MST1R: variants seen among roughly 807,000 people sequenced by gnomAD.
MST1R encodes the protein macrophage stimulating 1 receptor.
In MST1R, 99 loss-of-function variants were observed where a neutral mutation model predicts 117.8. That is an observed-to-expected ratio of 0.84 (90% CI 0.71 to 0.99). MST1R has a LOEUF of 0.99. Ranked by LOEUF, MST1R falls within the 50% of genes least tolerant of loss-of-function variation. The probability of loss-of-function intolerance (pLI) is 0.00; values close to 1 mark genes in which losing one functional copy is unlikely to be tolerated. For missense variants in MST1R, 1,683 were observed against 1,840.2 expected (o/e 0.91, Z 1.56); for synonymous variants, 734 against 765.3 (o/e 0.96, Z 0.68).
intron 1 of MST1R, among the ~76,000 whole-genome samples, chr3:49,900,209 A>C (rs2082631208): frequency 6.6e-6 from 1 of 152,162 alleles, no homozygotes; most frequent in Admixed American, 6.5e-5. Context: ...GGGATAAACC[A>C]AACCCCTACA....
intron 14 of MST1R, among the ~76,000 whole-genome samples, chr3:49,892,297 G>A (rs976670787): frequency 1.6e-4 from 24 of 151,690 alleles, no homozygotes; most frequent in African/African-American, 4.8e-4. Flanking sequence ...GCAGGGCTGC[G>A]TGCAGTGGCT....
rs2082325352 is a variant in MST1R, at chr3:49,891,843, T to C, written c.3272-5A>G. 2.5e-6 allele frequency: 4 copies of C among 1,614,132 alleles called. No individual in the cohort carries two copies. Among genetic ancestry groups the C allele is most frequent in the Non-Finnish European group, 3.4e-6 (4 of 1,179,956 alleles). On this transcript the variant is annotated splice_polypyrimidine_tract_variant and splice_region_variant and intron_variant, in intron 14 of 19. Coordinates refer to ENST00000296474, the MANE Select transcript of MST1R (RefSeq NM_002447.4). ...GGTAGACAACTCCAAAGTGGCCTGGTGTGAGGTGCATAATGAGTCGATGAG... is the reference window on the plus strand; with the variant it reads ...GGTAGACAACTCCAAAGTGGCCTGGCGTGAGGTGCATAATGAGTCGATGAG...
At chr3:49,895,117 A>G in intron 14 of MST1R, 50 bp downstream of exon 14, 2 of 1,603,798 alleles carry the variant, frequency 1.2e-6, no homozygotes, top group Non-Finnish European at 1.7e-6. Context: ...GGCCTAGCCT[A>G]TGTCATCTTG....
Position 49,891,259 on chromosome 3 carries a change from G to A in MST1R, c.3582C>T (p.Arg1194=), listed in dbSNP as rs745538801. ...DLISFGLQVA[R]GMEYLAEQKF... is the part of the protein sequence containing the mutation. ...TCTGCTCTGCCAGGTACTCCATGCC[G>A]CGGGCTACCTGCAGGCCAAAGCTGA... Residue 1194 remains arginine, a synonymous_variant, in exon 17 of 20, where the codon CGC becomes CGT. Coordinates refer to ENST00000296474, the MANE Select transcript of MST1R (RefSeq NM_002447.4). 1.1e-5 allele frequency: 17 copies of A among 1,614,000 alleles called. No homozygotes were observed. Among genetic ancestry groups the A allele is most frequent in the East Asian group, 4.5e-5 (2 of 44,902 alleles).
At chr3:49,898,475 A>G in intron 4 of MST1R, 43 bp downstream of exon 4, 2 of 1,599,154 alleles carry the variant, frequency 1.3e-6, no homozygotes, top group South Asian at 2.2e-5. Context: ...CCCCAGGCCC[A>G]GCCTGTCCCA....
rs776345521 is a variant in MST1R, at chr3:49,891,822, G to A, written c.3288C>T (p.Val1096=). The change falls in exon 15 of 20, where the codon GTC becomes GTT. Residue 1096 remains valine (V), a synonymous_variant. Coordinates refer to ENST00000296474, the MANE Select transcript of MST1R (RefSeq NM_002447.4). ...CCTGGTCTATGTATTCTCCGTGGTA[G>A]ACAACTCCAAAGTGGCCTGGTGTGA... is the stretch of plus-strand genomic sequence containing the variant. ...RVIGKGHFGV[V]YHGEYIDQAQ... 1 of 1,614,158 alleles carries A rather than the reference G, an allele frequency of 6.2e-7. No homozygotes were observed. Among genetic ancestry groups the A allele is most frequent in the Non-Finnish European group, 8.5e-7 (1 of 1,180,034 alleles).
chr3:49,892,287 G>A (rs1387747458), intron 14 of MST1R, among the ~76,000 whole-genome samples: 1 of 151,460 alleles, frequency 6.6e-6, no homozygotes, highest in Non-Finnish European at 1.5e-5. Context: ...TAAAAAAGCA[G>A]CAGGGCTGCG....
intron 7 of MST1R, 60 bp from the exon 8 acceptor site, chr3:49,896,950 T>C (rs2082497484): frequency 2.8e-6 from 4 of 1,440,998 alleles, no homozygotes; most frequent in Non-Finnish European, 3.7e-6. Context: ...GGCCCACTTC[T>C]TCCAGGGGCC....
intron 4 of MST1R, 27 bp from the exon 5 acceptor site, chr3:49,898,238 C>T (rs534079308): frequency 5.0e-6 from 8 of 1,612,220 alleles, no homozygotes; most frequent in South Asian, 2.2e-5. Context: ...AGCCTGAGTC[C>T]TCATGTGGGG....
At chr3:49,894,351 C>T (rs745974590) in intron 14 of MST1R, among the ~76,000 whole-genome samples, 2 of 152,074 alleles carry the variant, frequency 1.3e-5, no homozygotes, top group Non-Finnish European at 2.9e-5. Context: ...TTGCTTGAGT[C>T]CAGGAGTTCG....
At chr3:49,894,901 C>T (rs928441615) in intron 14 of MST1R, among the ~76,000 whole-genome samples, 31 of 152,006 alleles carry the variant, frequency 2.0e-4, no homozygotes, top group Non-Finnish European at 4.3e-4. Context: ...CTCCGCCTCC[C>T]GAGTTCATGC....
At position 49,896,802 on chromosome 3, in the gene MST1R, C is replaced by G. The variant is rs2082488217; in HGVS notation, c.2272G>C (p.Val758Leu). The G allele has an allele frequency of 4.5e-6, 7 of 1,561,860 alleles. 1 individual carries two copies. The South Asian group carries it at 7.0e-5, about 16-fold the overall frequency. The change falls in exon 8 of 20, where the codon GTA becomes CTA. Residue 758 changes from valine (V) to leucine (L), a missense_variant. Coordinates refer to ENST00000296474, the MANE Select transcript of MST1R (RefSeq NM_002447.4). Reference protein sequence around the residue: ...PLSLQVGGAQVPGSWTFQYRE... With the variant: ...PLSLQVGGAQLPGSWTFQYRE... ...TACTGGAAGGTCCAGGAACCAGGTA[C>G]CTGGGCACCCCCCACCTGCAGGCTA...
Position 49,895,803 on chromosome 3 carries a change from G to A in MST1R, c.2874C>T (p.Leu958=), listed in dbSNP as rs987129759. The change falls in exon 12 of 20, where the codon CTC becomes CTT. Residue 958 remains leucine, a synonymous_variant. Coordinates refer to ENST00000296474, the MANE Select transcript of MST1R (RefSeq NM_002447.4). ...GCAGCAAAGGCAGCAGGATACCAAG[G>A]AGCGTGCTCTGTGGGACCCCATCTG... ...PGPDGVPQST[L]LGILLPLLLL... is the part of the protein sequence containing the mutation. The A allele has an allele frequency of 1.8e-5, 29 of 1,613,984 alleles. No individual in the cohort carries two copies. The highest frequency in any genetic ancestry group is 8.9e-5 in the East Asian group (4 of 44,880).
In MST1R at chr3:49,891,181, T is replaced by C. The variant is rs4395393; in HGVS notation, c.3644+16A>G. 2.5e-6 allele frequency: 4 copies of C among 1,611,164 alleles called. No homozygotes were observed. The African/African-American group carries it at 5.3e-5, about 22-fold the overall frequency. ...CCCTGTCCTTTTGCTTCACCCCAGC[T>C]ACTCTGGACTCTCACATGCAGTTCC... On this transcript the variant is annotated intron_variant, in intron 17 of 19. Transcript: ENST00000296474.
In MST1R at chr3:49,896,004, AG is replaced by A; in HGVS notation, c.2752del (p.Leu918CysfsTer18). 1.9e-6 allele frequency: 3 copies of A among 1,594,772 alleles called. No homozygotes were observed. Among genetic ancestry groups the A allele is most frequent in the Admixed American group, 1.7e-5 (1 of 58,952 alleles). On this transcript the variant is annotated frameshift_variant, in exon 11 of 20. Transcript: ENST00000296474. LOFTEE classifies it high-confidence loss of function. ...EFRGDMVVCPLPPSLQLGQDG... is the reference protein window; with the variant it reads ...EFRGDMVVCPXPPSLQLGQDG... ...CTGGCCAAGCTGCAGGGATGGGGGCAGGGGGCAGACAACCATGTCCCCCCGG... is the reference window on the plus strand; with the variant it reads ...CTGGCCAAGCTGCAGGGATGGGGGCAGGGGCAGACAACCATGTCCCCCCGG...
At chr3:49,897,920 A>C (rs2082537070) in intron 5 of MST1R, 131 bp downstream of exon 5, 1 of 1,353,560 alleles carries the variant, frequency 7.4e-7, no homozygotes. Context: ...TTGACTCTCA[A>C]AAAGCAGTCA....
At chr3:49,899,313 G>C in intron 1 of MST1R, 50 bp from the exon 2 acceptor site, 1 of 1,592,820 alleles carries the variant, frequency 6.3e-7, no homozygotes, top group Non-Finnish European at 8.6e-7. Context: ...CTTGTGCCCC[G>C]ACCCTCTGGG....
chr3:49,903,584 T>C lies in MST1R; in HGVS notation c.26A>G (p.Gln9Arg). 1 of 1,573,964 alleles carries C rather than the reference T, an allele frequency of 6.4e-7. No homozygotes were observed. Among genetic ancestry groups the C allele is most frequent in the Non-Finnish European group, 8.6e-7 (1 of 1,165,758 alleles). ...CAACAGCAGCAGCAACAGGAAGGAC[T>C]GAGGCAGCGGCGGGAGGAGCTCCAT... is the stretch of plus-strand genomic sequence containing the variant. MELLPPLP[Q>R]SFLLLLLLPA... The change falls in exon 1 of 20, where the codon CAG becomes CGG. Residue 9 changes from glutamine (Q) to arginine (R), a missense_variant. Coordinates refer to ENST00000296474, the MANE Select transcript of MST1R (RefSeq NM_002447.4).
intron 1 of MST1R, among the ~76,000 whole-genome samples, chr3:49,900,836 G>T (rs896927303): frequency 6.6e-6 from 1 of 152,184 alleles, no homozygotes; most frequent in Non-Finnish European, 1.5e-5. Context: ...CTGAAAACAC[G>T]TAAGTGTCCA....
Sources: gnomAD v4.1 joint callset for allele counts (sites outside exome capture counted in the v4.1 genomes callset) on GRCh38, gnomAD v4.1.1 for gene constraint, MANE v1.5 for transcripts, NCBI Gene and HGNC (gene_info 2026-07-23, HGNC 2026-07-21) for gene names.